The following PRICKLE2 variants were observed in gnomAD, a reference collection of about 807,000 sequenced individuals.
PRICKLE2 encodes the protein prickle planar cell polarity protein 2.
A neutral mutation model predicts 81.4 loss-of-function variants in PRICKLE2; 21 were observed. The ratio of observed to expected loss-of-function variants is 0.26; its 90% confidence interval spans 0.18 to 0.37. The LOEUF (loss-of-function observed/expected upper bound fraction) is 0.37. PRICKLE2 is among the 10% of genes least tolerant of loss of function. The probability of loss-of-function intolerance (pLI) is 1.00; values close to 1 mark genes in which losing one functional copy is unlikely to be tolerated. For synonymous variants in PRICKLE2, 456 were observed against 421.5 expected, an observed-to-expected ratio of 1.08 and a Z score of -1.00; for missense variants, 940 against 1,109.0, an observed-to-expected ratio of 0.85 and a Z score of 2.16.
At chr3:64,258,780 T>TTGC in intron 2 of PRICKLE2, among the ~76,000 whole-genome samples, 1 of 135,350 alleles carries the variant, frequency 7.4e-6, no homozygotes, top group Non-Finnish European at 1.5e-5. Flanking sequence ...GCCGAGATCA[T>TTGC]GCCACTGCAC....
At chr3:64,203,665 G>A (rs536677620) in intron 1 of PRICKLE2, among the ~76,000 whole-genome samples, 1 of 152,246 alleles carries the variant, frequency 6.6e-6, no homozygotes, top group East Asian at 1.9e-4. Flanking sequence ...GCATCGACAA[G>A]TAGAAGGATA....
chr3:64,213,745 C>T (rs1474207230), intron 1 of PRICKLE2, among the ~76,000 whole-genome samples: 1 of 146,492 alleles, frequency 6.8e-6, no homozygotes, highest in African/African-American at 2.6e-5. Context: ...CTGTGTCAAA[C>T]GCTTTCCACG....
chr3:64,176,479 A>G (rs1011446589), intron 2 of PRICKLE2, among the ~76,000 whole-genome samples: 2 of 131,224 alleles, frequency 1.5e-5, no homozygotes, highest in African/African-American at 4.9e-5. Flanking sequence ...CAGTTTGAAT[A>G]AAGTTTAGAA....
chr3:64,267,589 C>T (rs1318197172), intron 2 of PRICKLE2, among the ~76,000 whole-genome samples: 1 of 152,078 alleles, frequency 6.6e-6, no homozygotes, highest in Non-Finnish European at 1.5e-5. Context: ...AAAAGCAAGT[C>T]CAGGGATGTT....
At chr3:64,193,175 A>C (rs933821339) in intron 2 of PRICKLE2, among the ~76,000 whole-genome samples, 2 of 152,224 alleles carry the variant, frequency 1.3e-5, no homozygotes, top group Non-Finnish European at 2.9e-5. Flanking sequence ...GCTGTCTTGT[A>C]ATATAGAGGA....
chr3:64,208,331 G>T (rs1469516248), intron 1 of PRICKLE2, among the ~76,000 whole-genome samples: 6 of 152,166 alleles, frequency 3.9e-5, no homozygotes, highest in African/African-American at 1.4e-4. Context: ...ATCACAAAAA[G>T]CACAAGCAAC....
Position 64,224,905 on chromosome 3 carries a change from C to T in PRICKLE2, c.-41+5G>A. On this transcript the variant is annotated splice_donor_5th_base_variant and intron_variant, in intron 1 of 7. Transcript: ENST00000638394. ...TTTGTGAATTAGAGCAAATTTCTTACCCACCTCCAGGGAGGATGAAATGCC... is the reference window on the plus strand; with the variant it reads ...TTTGTGAATTAGAGCAAATTTCTTATCCACCTCCAGGGAGGATGAAATGCC... 1 of 984,998 alleles carries T rather than the reference C, an allele frequency of 1.0e-6. No homozygotes were observed. The highest frequency in any genetic ancestry group is 1.7e-5 in the African/African-American group (1 of 57,290). 61.0% of individuals were successfully genotyped at this position (984,998 alleles called of 1,614,324 possible).
intron 7 of PRICKLE2, among the ~76,000 whole-genome samples, chr3:64,104,971 C>A (rs1354323162): frequency 6.6e-6 from 1 of 152,166 alleles, no homozygotes; most frequent in Non-Finnish European, 1.5e-5. Flanking sequence ...AATCTAGAAT[C>A]CTTACGCAGA....
intron 7 of PRICKLE2, among the ~76,000 whole-genome samples, chr3:64,130,027 G>T (rs2077174598): frequency 6.6e-6 from 1 of 152,124 alleles, no homozygotes; most frequent in South Asian, 2.1e-4. Flanking sequence ...GTGGAGTAGT[G>T]GTTCAAACTA....
At chr3:64,138,186 T>C (rs1213857190) in intron 7 of PRICKLE2, among the ~76,000 whole-genome samples, 2 of 152,208 alleles carry the variant, frequency 1.3e-5, no homozygotes, top group African/African-American at 2.4e-5. Context: ...TTTGAAAACA[T>C]GACCTTGATT....
At chr3:64,164,445 G>A (rs1337865086) in intron 2 of PRICKLE2, among the ~76,000 whole-genome samples, 1 of 152,208 alleles carries the variant, frequency 6.6e-6, no homozygotes, top group Non-Finnish European at 1.5e-5. Context: ...ATGAACACAT[G>A]TTTTGGGAAT....
At chr3:64,172,524 T>C (rs992442859) in intron 2 of PRICKLE2, among the ~76,000 whole-genome samples, 1 of 152,258 alleles carries the variant, frequency 6.6e-6, no homozygotes, top group Admixed American at 6.5e-5. Flanking sequence ...AGAAAGTTAA[T>C]ATCTCCATCT....
intron 7 of PRICKLE2, among the ~76,000 whole-genome samples, chr3:64,125,367 G>A (rs774476904): frequency 1.1e-4 from 16 of 152,230 alleles, no homozygotes; most frequent in Non-Finnish European, 1.9e-4. Flanking sequence ...GGTTGAAGAG[G>A]ATTGAGTCCA....
At chr3:64,249,566 A>T (rs1223070414) in intron 2 of PRICKLE2, among the ~76,000 whole-genome samples, 1 of 152,208 alleles carries the variant, frequency 6.6e-6, no homozygotes. Flanking sequence ...CACACAGCCA[A>T]CCACTTGTTG....
chr3:64,168,305 AC>A (rs2077869160), intron 2 of PRICKLE2, among the ~76,000 whole-genome samples: 2 of 152,318 alleles, frequency 1.3e-5, no homozygotes, highest in South Asian at 4.1e-4. Context: ...CCTGGGCCAC[AC>A]TGGAAGAAGA....
At chr3:64,100,763 T>A (rs2076646591) in intron 7 of PRICKLE2, 1 of 152,220 alleles carries the variant, frequency 6.6e-6, no homozygotes, top group Non-Finnish European at 1.5e-5. Flanking sequence ...TTGAAGGTAG[T>A]GGGAGATACT....
chr3:64,257,444 G>C (rs2079543186), intron 2 of PRICKLE2, among the ~76,000 whole-genome samples: 1 of 152,206 alleles, frequency 6.6e-6, no homozygotes, highest in African/African-American at 2.4e-5. Flanking sequence ...CATATGTGCA[G>C]CCCATCATGT....
chr3:64,111,561 A>G (rs1005194909), intron 7 of PRICKLE2, among the ~76,000 whole-genome samples: 1 of 152,254 alleles, frequency 6.6e-6, no homozygotes, highest in Middle Eastern at 3.2e-3. Context: ...AGCAGCTGCA[A>G]TGAAAACAGT....
chr3:64,112,106 T>C (rs952908069), intron 7 of PRICKLE2, among the ~76,000 whole-genome samples: 4 of 152,162 alleles, frequency 2.6e-5, no homozygotes, highest in African/African-American at 9.7e-5. Context: ...TTTTATTTAA[T>C]CTCAAGGGTT....
Sources: allele counts gnomAD v4.1 joint callset (sites outside exome capture counted in the v4.1 genomes callset), GRCh38; gene constraint gnomAD v4.1.1; transcripts MANE v1.5; gene names NCBI Gene and HGNC (gene_info 2026-07-23, HGNC 2026-07-21).